The following NALF1 variants were observed in gnomAD, a reference collection of about 807,000 sequenced individuals.
NALF1 encodes the protein family with sequence similarity 155 member A.
A neutral mutation model predicts 48.4 loss-of-function variants in NALF1; 3 were observed. The observed-to-expected ratio is 0.06, with a 90% CI of 0.03 to 0.16. NALF1 has a LOEUF of 0.16. Among genes scored for constraint, NALF1 ranks in the 10% least tolerant of loss-of-function variants. The pLI is 1.00. For synonymous variants in NALF1, 262 were observed against 245.7 expected, an observed-to-expected ratio of 1.07 and a Z score of -0.62; for missense variants, 526 against 571.5, an observed-to-expected ratio of 0.92 and a Z score of 0.81.
intron 1 of NALF1, among the ~76,000 whole-genome samples, chr13:107,297,258 A>G (rs1881744274): frequency 6.6e-6 from 1 of 152,138 alleles, no homozygotes. Context: ...TTTTACCTCC[A>G]GTGTTGAGGA....
chr13:107,417,521 A>AATTG (rs71204829), intron 1 of NALF1, among the ~76,000 whole-genome samples: 40,021 of 151,920 alleles, frequency 0.26, 5,298 homozygotes, highest in Middle Eastern at 0.29. Flanking sequence ...TTTAATATTT[A>AATTG]ATTGTCTCAA....
At chr13:107,696,280 G>T (rs1247301123) in intron 1 of NALF1, among the ~76,000 whole-genome samples, 1 of 152,190 alleles carries the variant, frequency 6.6e-6, no homozygotes, top group Non-Finnish European at 1.5e-5. Flanking sequence ...GCTAAAGATT[G>T]CCTCTGGTAA....
intron 1 of NALF1, among the ~76,000 whole-genome samples, chr13:107,692,242 G>C (rs747144928): frequency 7.9e-5 from 12 of 152,130 alleles, no homozygotes; most frequent in Non-Finnish European, 1.5e-4. Context: ...TTAGACTCTA[G>C]TGAGAATGGG....
At chr13:107,431,070 G>C (rs546226040) in intron 1 of NALF1, among the ~76,000 whole-genome samples, 1 of 151,634 alleles carries the variant, frequency 6.6e-6, no homozygotes, top group Non-Finnish European at 1.5e-5. Context: ...GCATTTTTTC[G>C]TGTGTTTTTT....
intron 1 of NALF1, among the ~76,000 whole-genome samples, chr13:107,704,880 CCTGT>C (rs1213080180): frequency 2.0e-5 from 3 of 151,986 alleles, no homozygotes; most frequent in East Asian, 3.9e-4. Context: ...AAGAATGCTC[CCTGT>C]CTGTTTACTT....
At chr13:107,859,274 C>T (rs533366147) in intron 1 of NALF1, among the ~76,000 whole-genome samples, 1 of 152,036 alleles carries the variant, frequency 6.6e-6, no homozygotes, top group South Asian at 2.1e-4. Context: ...CATGTATTTC[C>T]GAAGAAATGA....
intron 2 of NALF1, among the ~76,000 whole-genome samples, chr13:107,186,138 C>T (rs1879165951): frequency 6.6e-6 from 1 of 152,086 alleles, no homozygotes; most frequent in South Asian, 2.1e-4. Context: ...TTTTGGTTAT[C>T]AGACTGAAAA....
chr13:107,685,525 T>G (rs1881413128), intron 1 of NALF1, among the ~76,000 whole-genome samples: 3 of 152,228 alleles, frequency 2.0e-5, no homozygotes, highest in Admixed American at 2.0e-4. Flanking sequence ...AGATAAAATC[T>G]TTTTTAAAAT....
At chr13:107,490,970 C>A (rs910603965) in intron 1 of NALF1, among the ~76,000 whole-genome samples, 1 of 152,070 alleles carries the variant, frequency 6.6e-6, no homozygotes, top group East Asian at 1.9e-4. Flanking sequence ...AAAATTAAGC[C>A]GTGTATCTTC....
At chr13:107,611,976 A>AG (rs1222713771) in intron 1 of NALF1, among the ~76,000 whole-genome samples, 3 of 144,062 alleles carry the variant, frequency 2.1e-5, no homozygotes, top group Non-Finnish European at 1.5e-5. Context: ...AAGAAAGAAG[A>AG]GAAGAGAAGA....
At chr13:107,659,973 C>T (rs562953271) in intron 1 of NALF1, among the ~76,000 whole-genome samples, 4 of 151,738 alleles carry the variant, frequency 2.6e-5, no homozygotes, top group South Asian at 4.2e-4. Context: ...CCTTGTGATC[C>T]GCCTGCCTTG....
At position 107,775,159 on chromosome 13, in the gene NALF1, T is replaced by C. The variant is rs368797970; in HGVS notation, c.915+90523A>G. Among the ~76,000 whole-genome samples the C allele has an allele frequency of 2.5e-3, 372 of 151,720 alleles. 4 individuals carry two copies. Among genetic ancestry groups the C allele is most frequent in the African/African-American group, 8.4e-3 (348 of 41,432 alleles). On this transcript the variant is annotated intron_variant, in intron 1 of 2. Transcript: ENST00000375915. ...CATGCTGGTGCGCTGCACCCACTAA[T>C]TCGTCATCTAGCATTAGGTATATCT...
At position 107,555,260 on chromosome 13, in the gene NALF1, T is replaced by TATTA. The variant is rs111849596; in HGVS notation, c.915+310418_915+310421dup. 1.3e-3 allele frequency among the ~76,000 whole-genome samples: 195 copies of TATTA among 151,024 alleles called. 1 individual carries two copies. The highest frequency in any genetic ancestry group is 2.5e-3 in the East Asian group (13 of 5,134). On this transcript the variant is annotated intron_variant, in intron 1 of 2. Transcript: ENST00000375915. The stretch of plus-strand genomic sequence containing the variant: ...TGAGGGGAGAAGATGTTTGATTTAT[T>TATTA]ATTAATTAATTAATTAATTAATTAA...
intron 1 of NALF1, among the ~76,000 whole-genome samples, chr13:107,607,349 G>A (rs1438056428): frequency 1.3e-5 from 2 of 152,026 alleles, no homozygotes; most frequent in Admixed American, 6.6e-5. Flanking sequence ...TAATTCACAA[G>A]CCTGAAAAAT....
intron 1 of NALF1, among the ~76,000 whole-genome samples, chr13:107,826,871 TG>T (rs1182801139): frequency 2.0e-5 from 3 of 152,200 alleles, no homozygotes; most frequent in Non-Finnish European, 4.4e-5. Context: ...AAAGGACTGC[TG>T]GGAAAAGATA....
At chr13:107,707,595 G>A (rs778075063) in intron 1 of NALF1, among the ~76,000 whole-genome samples, 1 of 152,166 alleles carries the variant, frequency 6.6e-6, no homozygotes, top group Non-Finnish European at 1.5e-5. Flanking sequence ...TGAGCCAAGC[G>A]GGCAGGAATG....
intron 1 of NALF1, among the ~76,000 whole-genome samples, chr13:107,249,667 T>C (rs769687032): frequency 2.0e-5 from 3 of 152,114 alleles, no homozygotes; most frequent in Non-Finnish European, 2.9e-5. Flanking sequence ...ACATAGATAA[T>C]TGAACTTTTA....
At chr13:107,664,808 C>G (rs1363013138) in intron 1 of NALF1, among the ~76,000 whole-genome samples, 1 of 152,052 alleles carries the variant, frequency 6.6e-6, no homozygotes, top group Non-Finnish European at 1.5e-5. Context: ...GACCCAAGCA[C>G]GTTTTTCTGT....
intron 2 of NALF1, among the ~76,000 whole-genome samples, chr13:107,187,553 C>T (rs1367315377): frequency 2.0e-5 from 3 of 152,182 alleles, no homozygotes; most frequent in Non-Finnish European, 4.4e-5. Context: ...AGGCTCCTGA[C>T]TTCCACCCCA....
Sources: gnomAD v4.1 joint callset for allele counts (sites outside exome capture counted in the v4.1 genomes callset) on GRCh38, gnomAD v4.1.1 for gene constraint, MANE v1.5 for transcripts, NCBI Gene and HGNC (gene_info 2026-07-23, HGNC 2026-07-21) for gene names.